The following FOXP1 variants were observed in gnomAD, a reference collection of about 807,000 sequenced individuals.
FOXP1 encodes forkhead box P1.
In FOXP1, 15 loss-of-function variants were observed where a neutral mutation model predicts 98.2. The ratio of observed to expected loss-of-function variants is 0.15; its 90% CI spans 0.10 to 0.24. The LOEUF (loss-of-function observed/expected upper bound fraction) is 0.24. Among genes scored for constraint, FOXP1 ranks in the 10% least tolerant of loss-of-function variants. The pLI, the probability that FOXP1 is intolerant of heterozygous loss-of-function variation, is 1.00. For synonymous variants in FOXP1, 371 were observed against 314.5 expected (o/e 1.18, Z -1.90); for missense variants, 633 against 848.5 (o/e 0.75, Z 3.15).
At chr3:71,052,788 A>G (rs2050089603) in intron 8 of FOXP1, among the ~76,000 whole-genome samples, 162 bp from the exon 9 acceptor site, 1 of 152,264 alleles carries the variant, frequency 6.6e-6, no homozygotes, top group African/African-American at 2.4e-5. Flanking sequence ...CACACTGACT[A>G]TTCTTGGCAT....
chr3:70,996,283 C>A (rs1489596323), intron 13 of FOXP1, among the ~76,000 whole-genome samples: 1 of 152,136 alleles, frequency 6.6e-6, no homozygotes, highest in African/African-American at 2.4e-5. Flanking sequence ...CACGCCTGCC[C>A]GGCCTCAAGT....
In FOXP1 at chr3:71,184,422, G is replaced by A. The variant is rs115959544; in HGVS notation, c.180+13780C>T. 2.8e-3 allele frequency among the ~76,000 whole-genome samples: 429 copies of A among 152,280 alleles called. 2 individuals carry two copies. The highest frequency in any genetic ancestry group is 9.6e-3 in the African/African-American group (397 of 41,540). ...AAAGATCTTTCAACTGGTTTATAGG[G>A]TTCTGTAGTTAGAAGAATTTCAAGA... On this transcript the variant is annotated intron_variant, in intron 6 of 20. Coordinates refer to ENST00000649528, the MANE Select transcript of FOXP1 (RefSeq NM_001349338.3).
At chr3:71,581,807 G>A (rs2048193381) in intron 1 of FOXP1, 110 bp from the exon 2 acceptor site, 2 of 986,032 alleles carry the variant, frequency 2.0e-6, no homozygotes, top group Non-Finnish European at 1.2e-6. Context: ...AGGACAGAGA[G>A]GGCAGCGGGC....
intron 3 of FOXP1, among the ~76,000 whole-genome samples, chr3:71,395,889 G>T (rs1316128886): frequency 1.3e-5 from 2 of 152,038 alleles, no homozygotes; most frequent in African/African-American, 4.8e-5. Flanking sequence ...GGTTATGAAT[G>T]ACTTGGCTAT....
chr3:71,277,617 G>C (rs980173522), intron 5 of FOXP1, among the ~76,000 whole-genome samples: 2 of 151,926 alleles, frequency 1.3e-5, no homozygotes, highest in Non-Finnish European at 2.9e-5. Context: ...AGCCATGCAG[G>C]CCTTATTTCT....
intron 5 of FOXP1, among the ~76,000 whole-genome samples, chr3:71,215,347 A>C (rs1441120235): frequency 1.3e-5 from 2 of 152,240 alleles, no homozygotes; most frequent in African/African-American, 4.8e-5. Flanking sequence ...TGGAACAAAA[A>C]TCAATACAGT....
chr3:71,201,103 C>T (rs570947207), intron 5 of FOXP1, among the ~76,000 whole-genome samples: 1 of 152,278 alleles, frequency 6.6e-6, no homozygotes, highest in Non-Finnish European at 1.5e-5. Flanking sequence ...ATTCTCATGT[C>T]TTCAGATCAG....
intron 7 of FOXP1, among the ~76,000 whole-genome samples, chr3:71,064,145 T>C (rs1166403756): frequency 6.6e-6 from 1 of 152,124 alleles, no homozygotes; most frequent in South Asian, 2.1e-4. Context: ...CCTGCCAGAG[T>C]GTTCCATTCG....
intron 5 of FOXP1, among the ~76,000 whole-genome samples, chr3:71,272,899 G>A (rs1156269093): frequency 6.6e-6 from 1 of 152,124 alleles, no homozygotes; most frequent in Non-Finnish European, 1.5e-5. Flanking sequence ...GGACCTGGAG[G>A]CAACCATCTC....
At chr3:71,447,561 C>T (rs1207289302) in intron 3 of FOXP1, among the ~76,000 whole-genome samples, 1 of 152,152 alleles carries the variant, frequency 6.6e-6, no homozygotes, top group Non-Finnish European at 1.5e-5. Flanking sequence ...ACCATCGAGG[C>T]CTATGTCCAG....
At chr3:71,253,204 GA>G (rs920774296) in intron 5 of FOXP1, among the ~76,000 whole-genome samples, 4 of 152,160 alleles carry the variant, frequency 2.6e-5, no homozygotes, top group African/African-American at 9.7e-5. Flanking sequence ...AAGTCACTTA[GA>G]AACATTAAAA....
chr3:71,008,818 G>T (rs957205686), intron 12 of FOXP1, among the ~76,000 whole-genome samples: 2 of 151,840 alleles, frequency 1.3e-5, no homozygotes, highest in Admixed American at 6.6e-5. Context: ...TCAAATCTCT[G>T]GTTTTGATTT....
At chr3:71,018,858 T>C (rs2044946391) in intron 11 of FOXP1, among the ~76,000 whole-genome samples, 1 of 152,206 alleles carries the variant, frequency 6.6e-6, no homozygotes, top group Non-Finnish European at 1.5e-5. Context: ...TGCTGTGCAA[T>C]TGTTAATTTT....
rs967432236 is a variant in FOXP1, at chr3:70,967,368, C to G, written c.1723-1312G>C. On this transcript the variant is annotated intron_variant, in intron 19 of 20. Coordinates refer to ENST00000649528, the MANE Select transcript of FOXP1 (RefSeq NM_001349338.3). ...GTGTTAGAAGTCCTGTGCACACTCA[C>G]CAAACACAGCATTGGATAATGGACT... 2.0e-5 allele frequency among the ~76,000 whole-genome samples: 3 copies of G among 152,190 alleles called. No individual in the cohort carries two copies. In the East Asian group the frequency reaches 5.8e-4, roughly 29 times the overall value.
chr3:71,149,895 T>C (rs1229946300), intron 6 of FOXP1, among the ~76,000 whole-genome samples: 2 of 152,232 alleles, frequency 1.3e-5, no homozygotes, highest in Non-Finnish European at 1.5e-5. Context: ...GCCATGAGAA[T>C]TTACTAAAAT....
At chr3:71,266,106 A>G (rs569330979) in intron 5 of FOXP1, among the ~76,000 whole-genome samples, 1 of 152,290 alleles carries the variant, frequency 6.6e-6, no homozygotes, top group East Asian at 1.9e-4. Context: ...GAGTTAACAC[A>G]GCAAGCAAGC....
chr3:71,195,664 A>C (rs991328135), intron 6 of FOXP1, among the ~76,000 whole-genome samples: 1 of 152,210 alleles, frequency 6.6e-6, no homozygotes, highest in African/African-American at 2.4e-5. Flanking sequence ...CAGGAATTAA[A>C]TTTCAGTGCA....
intron 3 of FOXP1, among the ~76,000 whole-genome samples, chr3:71,407,463 G>A (rs1323639234): frequency 6.6e-6 from 1 of 152,150 alleles, no homozygotes; most frequent in African/African-American, 2.4e-5. Context: ...ACCATATTAT[G>A]TAATTATCTT....
chr3:71,052,480 C>T, intron 9 of FOXP1, 57 bp downstream of exon 9: 1 of 864,838 alleles, frequency 1.2e-6, no homozygotes, highest in Non-Finnish European at 2.0e-6. Flanking sequence ...AGTTTAATAG[C>T]CACTAGATAG....
Sources: gnomAD v4.1 joint callset for allele counts (sites outside exome capture counted in the v4.1 genomes callset) on GRCh38, gnomAD v4.1.1 for gene constraint, MANE v1.5 for transcripts, NCBI Gene and HGNC (gene_info 2026-07-23, HGNC 2026-07-21) for gene names.